Variants in NRXN3 observed in about 807,000 individuals in gnomAD.
NRXN3 encodes neurexin 3, also known as neurexin III.
NRXN3 carries 32 observed loss-of-function variants against 137.6 expected under a neutral mutation model. That is an observed-to-expected ratio of 0.23 (90% CI 0.18 to 0.31). The LOEUF (loss-of-function observed/expected upper bound fraction) is 0.31. NRXN3 is among the 10% of genes least tolerant of loss of function. The probability of loss-of-function intolerance (pLI) is 1.00; values close to 1 mark genes in which losing one functional copy is unlikely to be tolerated. For synonymous variants in NRXN3, 798 were observed against 784.5 expected (o/e 1.02, Z -0.29); for missense variants, 1,574 against 2,062.5 (o/e 0.76, Z 4.59).
In NRXN3 at chr14:79,120,916, G is replaced by A. The variant is rs189143179; in HGVS notation, c.3262+132775G>A. ...CATACTTTCCCTTTAGAATGAGGAGGATTCTAAGTAATCTTATTGTATCAC... is the reference window on the plus strand; with the variant it reads ...CATACTTTCCCTTTAGAATGAGGAGAATTCTAAGTAATCTTATTGTATCAC... On this transcript the variant is annotated intron_variant, in intron 15 of 20. Transcript: ENST00000335750. 4.9e-4 allele frequency among the ~76,000 whole-genome samples: 75 copies of A among 152,178 alleles called. 1 individual carries two copies. Among genetic ancestry groups the A allele is most frequent in the Admixed American group, 2.5e-3 (38 of 15,276 alleles).
At chr14:79,224,065 G>A (rs1472218047) in intron 15 of NRXN3, among the ~76,000 whole-genome samples, 1 of 152,072 alleles carries the variant, frequency 6.6e-6, no homozygotes, top group Non-Finnish European at 1.5e-5. Context: ...CGGACACATA[G>A]GTACTATGGC....
intron 4 of NRXN3, among the ~76,000 whole-genome samples, chr14:78,621,574 A>G (rs1357359090): frequency 6.6e-6 from 1 of 152,184 alleles, no homozygotes; most frequent in South Asian, 2.1e-4. Flanking sequence ...GTTCTTGGAG[A>G]TAATAAATCA....
At chr14:79,091,767 T>C (rs183643132) in intron 15 of NRXN3, among the ~76,000 whole-genome samples, 1 of 152,228 alleles carries the variant, frequency 6.6e-6, no homozygotes, top group Admixed American at 6.5e-5. Flanking sequence ...CAATCACACA[T>C]TCTGAAGTAA....
At chr14:78,611,277 T>C (rs2097298201) in intron 4 of NRXN3, among the ~76,000 whole-genome samples, 1 of 152,208 alleles carries the variant, frequency 6.6e-6, no homozygotes, top group Non-Finnish European at 1.5e-5. Flanking sequence ...TGGGGGGATT[T>C]ATTTGTTACT....
intron 19 of NRXN3, among the ~76,000 whole-genome samples, chr14:79,765,251 CA>C (rs1441343217): frequency 6.6e-6 from 1 of 152,156 alleles, no homozygotes; most frequent in African/African-American, 2.4e-5. Context: ...CTGATTTATA[CA>C]GTAGGAGGAA....
chr14:78,292,024 G>A (rs551435465), intron 3 of NRXN3, among the ~76,000 whole-genome samples: 1 of 152,192 alleles, frequency 6.6e-6, no homozygotes, highest in Non-Finnish European at 1.5e-5. Context: ...ATCTGAGGTG[G>A]GTGGGATATT....
intron 15 of NRXN3, among the ~76,000 whole-genome samples, chr14:79,333,659 A>G (rs986617602): frequency 2.6e-5 from 4 of 152,170 alleles, no homozygotes; most frequent in Non-Finnish European, 5.9e-5. Flanking sequence ...CCTTCTTAAA[A>G]AGAAAAAGCC....
At chr14:78,840,671 G>A (rs953092249) in intron 10 of NRXN3, among the ~76,000 whole-genome samples, 4 of 152,146 alleles carry the variant, frequency 2.6e-5, no homozygotes, top group African/African-American at 9.7e-5. Context: ...GAAGCAGGAA[G>A]GAAATCAGGT....
intron 6 of NRXN3, among the ~76,000 whole-genome samples, chr14:78,675,101 C>T (rs192456797): frequency 2.5e-4 from 38 of 152,264 alleles, no homozygotes; most frequent in Middle Eastern, 3.4e-3. Flanking sequence ...CTAGAATGTG[C>T]CAGACCAAGT....
At chr14:79,554,493 C>G (rs1464786022) in intron 16 of NRXN3, among the ~76,000 whole-genome samples, 1 of 152,156 alleles carries the variant, frequency 6.6e-6, no homozygotes, top group Non-Finnish European at 1.5e-5. Context: ...AATCTCCACA[C>G]TTATTTGTTT....
chr14:78,335,226 G>C (rs541283638), intron 4 of NRXN3, among the ~76,000 whole-genome samples: 82 of 152,348 alleles, frequency 5.4e-4, no homozygotes, highest in African/African-American at 1.9e-3. Context: ...GTGGTGGGCA[G>C]TGGCTCCCTT....
At chr14:78,670,556 C>T (rs1456010776) in intron 6 of NRXN3, among the ~76,000 whole-genome samples, 1 of 152,144 alleles carries the variant, frequency 6.6e-6, no homozygotes, top group Non-Finnish European at 1.5e-5. Flanking sequence ...ATGCCTCTGA[C>T]AGCAATAGCA....
intron 2 of NRXN3, among the ~76,000 whole-genome samples, chr14:78,252,476 C>A (rs1011847853): frequency 6.6e-6 from 1 of 152,098 alleles, no homozygotes; most frequent in Non-Finnish European, 1.5e-5. Context: ...TATTTAAGTA[C>A]GGTGTCTTTG....
chr14:78,337,097 G>A (rs892339805), intron 4 of NRXN3, among the ~76,000 whole-genome samples: 2 of 152,066 alleles, frequency 1.3e-5, no homozygotes, highest in East Asian at 1.9e-4. Flanking sequence ...AGCACGCCTG[G>A]TGTCTGCCTC....
chr14:78,533,482 A>G (rs1037287830), intron 4 of NRXN3, among the ~76,000 whole-genome samples: 1 of 152,188 alleles, frequency 6.6e-6, no homozygotes, highest in East Asian at 1.9e-4. Flanking sequence ...GTAATAGTCC[A>G]ATCTTCTGTA....
chr14:78,746,879 A>G (rs2098610214), intron 8 of NRXN3, among the ~76,000 whole-genome samples: 1 of 152,202 alleles, frequency 6.6e-6, no homozygotes, highest in African/African-American at 2.4e-5. Context: ...TTTTGTTAAG[A>G]CTATGATGAA....
intron 4 of NRXN3, among the ~76,000 whole-genome samples, chr14:78,430,210 C>G (rs536117777): frequency 6.6e-6 from 1 of 152,156 alleles, no homozygotes; most frequent in Non-Finnish European, 1.5e-5. Context: ...TGCACTCTAG[C>G]CTGGGTGACA....
At chr14:79,309,437 G>A (rs2086799858) in intron 15 of NRXN3, among the ~76,000 whole-genome samples, 1 of 9,208 alleles carries the variant, frequency 1.1e-4, no homozygotes, top group African/African-American at 4.8e-4. Flanking sequence ...AGTCCTTTGG[G>A]TATATACCCA....
intron 17 of NRXN3, among the ~76,000 whole-genome samples, chr14:79,682,967 T>C (rs1280151630): frequency 2.0e-5 from 3 of 152,130 alleles, no homozygotes; most frequent in African/African-American, 4.8e-5. Context: ...TGATGACCAA[T>C]GCAAACAAAA....
Sources: gnomAD v4.1 joint callset for allele counts (sites outside exome capture counted in the v4.1 genomes callset) on GRCh38, gnomAD v4.1.1 for gene constraint, MANE v1.5 for transcripts, NCBI Gene and HGNC (gene_info 2026-07-23, HGNC 2026-07-21) for gene names.